Variants in ZNF385D observed in about 807,000 individuals in gnomAD.
ZNF385D encodes the protein zinc finger protein 659.
Under a neutral mutation model 35.8 loss-of-function variants are expected in ZNF385D, and 15 were observed. That is an observed-to-expected ratio of 0.42 (90% CI 0.28 to 0.64). The LOEUF is 0.64. Among genes scored for constraint, ZNF385D ranks in the 30% least tolerant of loss-of-function variants. The probability of loss-of-function intolerance (pLI) is 0.23; values close to 1 mark genes in which losing one functional copy is unlikely to be tolerated. For missense variants in ZNF385D, 474 were observed against 494.6 expected, an observed-to-expected ratio of 0.96 and a Z score of 0.39; for synonymous variants, 212 against 186.8, an observed-to-expected ratio of 1.13 and a Z score of -1.10.
intron 3 of ZNF385D, among the ~76,000 whole-genome samples, chr3:22,166,794 G>T (rs562115187): frequency 6.6e-6 from 1 of 151,846 alleles, no homozygotes; most frequent in Non-Finnish European, 1.5e-5. Flanking sequence ...TTCTAGTTTT[G>T]TTCTATAATG....
chr3:21,922,629 A>C (rs569061059), intron 3 of ZNF385D, among the ~76,000 whole-genome samples: 1 of 152,298 alleles, frequency 6.6e-6, no homozygotes, highest in South Asian at 2.1e-4. Context: ...CCACACATGA[A>C]AGTTATCTCA....
At chr3:22,102,052 A>T (rs1405204481) in intron 3 of ZNF385D, among the ~76,000 whole-genome samples, 2 of 151,670 alleles carry the variant, frequency 1.3e-5, no homozygotes, top group African/African-American at 4.8e-5. Flanking sequence ...TTTCTGTGGT[A>T]AAGTGTAGCC....
intron 5 of ZNF385D, among the ~76,000 whole-genome samples, chr3:21,426,553 A>G (rs111400262): frequency 1.3e-3 from 191 of 151,380 alleles, no homozygotes; most frequent in African/African-American, 4.5e-3. Context: ...AGTATTCTTC[A>G]TTTTTTTCAC....
intron 2 of ZNF385D, among the ~76,000 whole-genome samples, chr3:22,298,550 T>TACACACAC (rs1419004626): frequency 1.6e-5 from 2 of 124,240 alleles, no homozygotes; most frequent in Non-Finnish European, 3.6e-5. Context: ...CATTTATGTA[T>TACACACAC]ATACACACAT....
In ZNF385D at chr3:21,966,764, T is replaced by C. The variant is rs909514354; in HGVS notation, c.325+202053A>G. On this transcript the variant is annotated intron_variant, in intron 3 of 5. Coordinates refer to the ZNF385D transcript ENST00000494108. ...GCCCAGCTAATTTTTGTATTTTTAG[T>C]AGAGATGGAGTTTTGCCATGTTGGC... 3.3e-5 allele frequency among the ~76,000 whole-genome samples: 5 copies of C among 152,294 alleles called. No homozygotes were observed. In the East Asian group the frequency reaches 7.7e-4, roughly 24 times the overall value.
chr3:21,943,304 G>T (rs1217933108), intron 3 of ZNF385D, among the ~76,000 whole-genome samples: 4 of 151,520 alleles, frequency 2.6e-5, no homozygotes, highest in South Asian at 2.1e-4. Context: ...AGATGTGTGT[G>T]TGTGTATATA....
chr3:21,924,461 A>G (rs1392026473), intron 3 of ZNF385D, among the ~76,000 whole-genome samples: 2 of 152,206 alleles, frequency 1.3e-5, no homozygotes, highest in Non-Finnish European at 2.9e-5. Context: ...ACCTAGTATC[A>G]CAGAAAACTT....
chr3:21,643,913 A>T (rs1360769545), intron 2 of ZNF385D, among the ~76,000 whole-genome samples: 1 of 152,154 alleles, frequency 6.6e-6, no homozygotes, highest in Non-Finnish European at 1.5e-5. Flanking sequence ...ATAGCAACTT[A>T]TGTGGCTGGA....
At chr3:22,067,339 G>A (rs1477460972) in intron 3 of ZNF385D, among the ~76,000 whole-genome samples, 1 of 152,146 alleles carries the variant, frequency 6.6e-6, no homozygotes, top group Non-Finnish European at 1.5e-5. Flanking sequence ...TTATGTTCAA[G>A]TTGACAGCAA....
intron 2 of ZNF385D, among the ~76,000 whole-genome samples, chr3:22,227,203 C>T (rs994520306): frequency 6.6e-6 from 1 of 151,744 alleles, no homozygotes; most frequent in Non-Finnish European, 1.5e-5. Context: ...GGTGTAGGTG[C>T]TTGTCATCCA....
At chr3:21,945,553 T>C (rs1419204977) in intron 3 of ZNF385D, among the ~76,000 whole-genome samples, 1 of 152,218 alleles carries the variant, frequency 6.6e-6, no homozygotes, top group African/African-American at 2.4e-5. Flanking sequence ...ATTTTGATCA[T>C]GTGAAAGAAG....
intron 3 of ZNF385D, among the ~76,000 whole-genome samples, chr3:21,831,073 G>C (rs1031224097): frequency 6.6e-6 from 1 of 152,184 alleles, no homozygotes; most frequent in African/African-American, 2.4e-5. Flanking sequence ...ATAAGCATGA[G>C]AGGAAATGTT....
chr3:21,947,382 C>T (rs1275303759), intron 3 of ZNF385D, among the ~76,000 whole-genome samples: 1 of 151,896 alleles, frequency 6.6e-6, no homozygotes, highest in Non-Finnish European at 1.5e-5. Flanking sequence ...GACAGAGTCT[C>T]GCTCTGTCGC....
chr3:21,918,218 A>G (rs1438618240), intron 3 of ZNF385D, among the ~76,000 whole-genome samples: 2 of 152,154 alleles, frequency 1.3e-5, no homozygotes, highest in Non-Finnish European at 2.9e-5. Context: ...TGCGTGCTAT[A>G]TGGTCTATGC....
intron 2 of ZNF385D, among the ~76,000 whole-genome samples, chr3:22,169,540 T>C (rs1364441821): frequency 1.3e-5 from 2 of 152,166 alleles, no homozygotes; most frequent in Non-Finnish European, 2.9e-5. Flanking sequence ...TAAAGTGACT[T>C]ACATCTGGAT....
intron 2 of ZNF385D, among the ~76,000 whole-genome samples, chr3:22,343,245 T>A (rs550501848): frequency 6.6e-6 from 1 of 152,194 alleles, no homozygotes. Context: ...ACCATTAGTG[T>A]CTTTGAAATC....
At position 21,694,735 on chromosome 3, in the gene ZNF385D, G is replaced by A. The variant is rs115326198; in HGVS notation, c.23-29707C>T. Among the ~76,000 whole-genome samples the A allele has an allele frequency of 5.5e-3, 844 of 152,276 alleles. 7 individuals are homozygous for A. The highest frequency in any genetic ancestry group is 0.019 in the African/African-American group (797 of 41,552). ...ACAGTGATTAAGCATAACTTAGAATGCTTCTTGTTATGTATTTTAATTAAG... is the reference window on the plus strand; with the variant it reads ...ACAGTGATTAAGCATAACTTAGAATACTTCTTGTTATGTATTTTAATTAAG... On this transcript the variant is annotated intron_variant, in intron 1 of 7. Transcript: ENST00000281523.
chr3:22,180,096 A>G (rs930650977), intron 2 of ZNF385D, among the ~76,000 whole-genome samples: 1 of 152,234 alleles, frequency 6.6e-6, no homozygotes, highest in Non-Finnish European at 1.5e-5. Flanking sequence ...AAAAAATGAT[A>G]AAGGGGATAT....
Position 22,099,637 on chromosome 3 carries a change from C to A in ZNF385D, c.325+69180G>T, listed in dbSNP as rs189174206. Among the ~76,000 whole-genome samples the A allele has an allele frequency of 2.3e-3, 351 of 152,090 alleles. 1 individual carries two copies. The highest frequency in any genetic ancestry group is 9.1e-3 in the South Asian group (44 of 4,812). ...ATGGAAATAATCCCTTGTGTGCCCA[C>A]AGAGAATAAATGCTAACTTAGAGAT... On this transcript the variant is annotated intron_variant, in intron 3 of 5. Transcript: ENST00000494108.
Sources: allele counts gnomAD v4.1 joint callset (sites outside exome capture counted in the v4.1 genomes callset), GRCh38; gene constraint gnomAD v4.1.1; transcripts MANE v1.5; gene names NCBI Gene and HGNC (gene_info 2026-07-23, HGNC 2026-07-21).